IFT56: variants seen among roughly 807,000 people sequenced by gnomAD.
The protein encoded by IFT56 is intraflagellar transport protein 56.
chr7:139,163,692 G>A, the IFT56 span, among the ~76,000 whole-genome samples: 2 of 152,180 alleles, frequency 1.3e-5, no homozygotes, highest in Admixed American at 6.5e-5. Flanking sequence ...CCTTGTGTGT[G>A]TTTAAAGTGA....
the IFT56 span, chr7:139,134,834 G>C: frequency 6.3e-7 from 1 of 1,592,516 alleles, no homozygotes; most frequent in Non-Finnish European, 8.5e-7. Context: ...ATGAATACCA[G>C]ACTGTAGATG....
chr7:139,148,230 T>C, the IFT56 span: 5 of 1,612,896 alleles, frequency 3.1e-6, no homozygotes, highest in African/African-American at 4.0e-5. Context: ...TTAATGTTTA[T>C]GTGGCCCTCT....
the IFT56 span, chr7:139,140,082 C>A: frequency 2.1e-6 from 2 of 960,218 alleles, no homozygotes; most frequent in South Asian, 1.9e-5. Flanking sequence ...TAATTGTATT[C>A]CTTTTTCTCT....
the IFT56 span, chr7:139,160,924 A>G: frequency 6.3e-7 from 1 of 1,593,630 alleles, no homozygotes; most frequent in Non-Finnish European, 8.6e-7. Flanking sequence ...TCATTTTCAT[A>G]AGCCTTTCTT....
the IFT56 span, among the ~76,000 whole-genome samples, chr7:139,184,288 T>A: frequency 4.2e-3 from 645 of 152,306 alleles, 14 homozygotes; most frequent in East Asian, 0.059. Context: ...GCTGTGTGTG[T>A]GTGGCGTCAT....
the IFT56 span, chr7:139,139,741 C>T: frequency 9.6e-6 from 5 of 520,500 alleles, no homozygotes; most frequent in Admixed American, 1.5e-4. Flanking sequence ...AGTATTTAAC[C>T]TTTTCAGAAT....
the IFT56 span, among the ~76,000 whole-genome samples, chr7:139,140,700 G>A: frequency 0.14 from 20,484 of 149,862 alleles, 2,731 homozygotes; most frequent in African/African-American, 0.3. Flanking sequence ...ACTTGAACCC[G>A]GGAGGCGGAG....
chr7:139,159,159 A>G, the IFT56 span, among the ~76,000 whole-genome samples: 48 of 152,310 alleles, frequency 3.2e-4, no homozygotes, highest in African/African-American at 1.1e-3. Flanking sequence ...ATTTTCTGCA[A>G]GAGTTTGTAT....
At chr7:139,149,584 C>A in the IFT56 span, among the ~76,000 whole-genome samples, 1 of 152,046 alleles carries the variant, frequency 6.6e-6, no homozygotes, top group Non-Finnish European at 1.5e-5. Context: ...CATTCTCACT[C>A]CTGGAATGAC....
At chr7:139,133,946 T>A in the IFT56 span, 1 of 1,522,704 alleles carries the variant, frequency 6.6e-7, no homozygotes. Context: ...CTGTGTGAAG[T>A]CTAGGTGTGT....
the IFT56 span, among the ~76,000 whole-genome samples, chr7:139,185,874 C>A: frequency 3.3e-4 from 50 of 151,908 alleles, no homozygotes; most frequent in Non-Finnish European, 5.1e-4. Flanking sequence ...AAAAAAAAAT[C>A]TTCGCGTGAG....
chr7:139,178,576 G>A, the IFT56 span: 1 of 1,614,152 alleles, frequency 6.2e-7, no homozygotes, highest in South Asian at 1.1e-5. Flanking sequence ...GCTGCAACAG[G>A]CAATACCAGT....
the IFT56 span, among the ~76,000 whole-genome samples, chr7:139,159,948 T>G: frequency 6.6e-6 from 1 of 152,210 alleles, no homozygotes; most frequent in Non-Finnish European, 1.5e-5. Context: ...CTGTTTTAAT[T>G]TCTGATACGA....
At chr7:139,178,025 G>A in the IFT56 span, among the ~76,000 whole-genome samples, 2 of 152,030 alleles carry the variant, frequency 1.3e-5, no homozygotes, top group Non-Finnish European at 2.9e-5. Flanking sequence ...GAGATTATTG[G>A]TCACTCTCAA....
At chr7:139,140,056 TG>T in the IFT56 span, 1 of 1,274,020 alleles carries the variant, frequency 7.8e-7, no homozygotes, top group Non-Finnish European at 1.1e-6. Flanking sequence ...AGAGTTGTTT[TG>T]AAGATTTTAA....
the IFT56 span, among the ~76,000 whole-genome samples, chr7:139,137,647 A>G: frequency 6.6e-6 from 1 of 152,264 alleles, no homozygotes; most frequent in Non-Finnish European, 1.5e-5. Context: ...AAAGCCAAAT[A>G]TGAAATACTT....
At chr7:139,135,632 T>C in the IFT56 span, among the ~76,000 whole-genome samples, 1 of 152,184 alleles carries the variant, frequency 6.6e-6, no homozygotes, top group Non-Finnish European at 1.5e-5. Context: ...TCTGCAGAGG[T>C]GCTCAGGAAT....
the IFT56 span, among the ~76,000 whole-genome samples, chr7:139,145,764 G>C: frequency 6.6e-6 from 1 of 152,004 alleles, no homozygotes; most frequent in African/African-American, 2.4e-5. Flanking sequence ...AGATGTTCTT[G>C]GTGGGAGCAC....
the IFT56 span, among the ~76,000 whole-genome samples, chr7:139,175,705 T>C: frequency 6.6e-6 from 1 of 151,602 alleles, no homozygotes; most frequent in East Asian, 1.9e-4. Context: ...CTTGAACTCA[T>C]GGAGATAGGG....
Sources: gnomAD v4.1 joint callset for allele counts (sites outside exome capture counted in the v4.1 genomes callset) on GRCh38, gnomAD v4.1.1 for gene constraint, MANE v1.5 for transcripts, NCBI Gene and HGNC (gene_info 2026-07-23, HGNC 2026-07-21) for gene names.